CNBD1: variants seen among roughly 807,000 people sequenced by gnomAD.
CNBD1 encodes the protein cyclic nucleotide binding domain containing 1.
In CNBD1, 71 loss-of-function variants were observed where a neutral mutation model predicts 54.4. That is an observed-to-expected ratio of 1.30 (90% CI 1.08 to 1.59). The LOEUF (loss-of-function observed/expected upper bound fraction) is 1.59, where lower values mean the gene tolerates loss of function less well. CNBD1 is among the 40% of genes most tolerant of loss of function. The probability of loss-of-function intolerance (pLI) is 0.00; values close to 1 mark genes in which losing one functional copy is unlikely to be tolerated. For synonymous variants in CNBD1, 182 were observed against 170.7 expected (o/e 1.07, Z -0.51); for missense variants, 659 against 518.0 (o/e 1.27, Z -2.64).
chr8:87,329,715 A>C (rs532523990), intron 8 of CNBD1, among the ~76,000 whole-genome samples: 52 of 152,164 alleles, frequency 3.4e-4, no homozygotes, highest in African/African-American at 1.2e-3. Flanking sequence ...TTGCTAGTAT[A>C]TAGGGAAGAA....
chr8:86,927,259 C>T (rs1336040931), intron 3 of CNBD1, among the ~76,000 whole-genome samples: 1 of 152,020 alleles, frequency 6.6e-6, no homozygotes, highest in East Asian at 1.9e-4. Context: ...TTTGTATTTA[C>T]TAGGAACCAT....
chr8:87,229,694 A>G (rs1361711296), intron 5 of CNBD1, among the ~76,000 whole-genome samples: 1 of 152,058 alleles, frequency 6.6e-6, no homozygotes, highest in Non-Finnish European at 1.5e-5. Flanking sequence ...TTTTGTTTGA[A>G]TAAGGATCAT....
intron 8 of CNBD1, among the ~76,000 whole-genome samples, chr8:87,321,416 T>G (rs573387659): frequency 6.6e-6 from 1 of 152,310 alleles, no homozygotes; most frequent in Non-Finnish European, 1.5e-5. Context: ...TATCTCTTTG[T>G]GATTTTGATT....
intron 4 of CNBD1, among the ~76,000 whole-genome samples, chr8:87,030,281 G>A (rs1809752770): frequency 6.6e-6 from 1 of 152,128 alleles, no homozygotes; most frequent in African/African-American, 2.4e-5. Context: ...TTTGACAGCT[G>A]TAAGAATATT....
At chr8:87,122,210 T>C (rs1188507286) in intron 4 of CNBD1, among the ~76,000 whole-genome samples, 1 of 151,862 alleles carries the variant, frequency 6.6e-6, no homozygotes, top group Non-Finnish European at 1.5e-5. Flanking sequence ...CCCTTTTCTC[T>C]GTATTCTCAC....
At chr8:87,341,789 A>T (rs746188810) in intron 8 of CNBD1, among the ~76,000 whole-genome samples, 9 of 152,340 alleles carry the variant, frequency 5.9e-5, no homozygotes, top group Non-Finnish European at 1.3e-4. Flanking sequence ...CAGACACCAA[A>T]CTTTCTGGTG....
At chr8:87,186,902 T>A (rs1465651338) in intron 4 of CNBD1, among the ~76,000 whole-genome samples, 1 of 152,216 alleles carries the variant, frequency 6.6e-6, no homozygotes, top group Middle Eastern at 3.4e-3. Context: ...ACCTAGCTGA[T>A]CTGTCGTAGC....
At chr8:86,966,183 A>G (rs1808069710) in intron 4 of CNBD1, among the ~76,000 whole-genome samples, 1 of 152,144 alleles carries the variant, frequency 6.6e-6, no homozygotes, top group South Asian at 2.1e-4. Context: ...CTTGGCCTGA[A>G]GGTGGGGGTT....
At chr8:87,399,322 T>C (rs1243154273) in intron 2 of CNBD1, among the ~76,000 whole-genome samples, 2 of 152,046 alleles carry the variant, frequency 1.3e-5, no homozygotes, top group Admixed American at 1.3e-4. Context: ...ACACTGTGCA[T>C]GTGCACAATA....
chr8:86,978,419 C>T (rs1206839659), intron 4 of CNBD1, among the ~76,000 whole-genome samples: 5 of 151,212 alleles, frequency 3.3e-5, no homozygotes, highest in African/African-American at 4.9e-5. Context: ...AAATTTTTGT[C>T]TCTAATTTAA....
At chr8:87,368,329 T>C (rs1810686214) in intron 10 of CNBD1, among the ~76,000 whole-genome samples, 1 of 151,958 alleles carries the variant, frequency 6.6e-6, no homozygotes, top group Non-Finnish European at 1.5e-5. Context: ...AGAGTGAAGA[T>C]AAATATGTAA....
intron 4 of CNBD1, among the ~76,000 whole-genome samples, chr8:87,079,096 G>A (rs889564135): frequency 6.7e-6 from 1 of 150,272 alleles, no homozygotes; most frequent in Non-Finnish European, 1.5e-5. Flanking sequence ...AAGACATTCT[G>A]TATAAATTGA....
In CNBD1 at chr8:86,979,402, C is replaced by CAAA. The variant is rs776634552; in HGVS notation, c.431+39672_431+39674dup. Among the ~76,000 whole-genome samples the CAAA allele has an allele frequency of 3.7e-3, 38 of 10,388 alleles. 8 individuals carry two copies. Among genetic ancestry groups the CAAA allele is most frequent in the African/African-American group, 0.015 (34 of 2,340 alleles). The allele number at this position is 10,388 out of a possible 152,430, so 6.8% of individuals were successfully genotyped here. A position where few individuals can be genotyped will look rare whatever the true frequency, so the allele number is the denominator to read the frequency against. On this transcript the variant is annotated intron_variant, in intron 4 of 10. Coordinates refer to ENST00000518476, the MANE Select transcript of CNBD1 (RefSeq NM_173538.3). ...GCAACATGGAGAAAAATCATCTCTA[C>CAAA]AAAAAAAAAAAAAAAAAAAAAAAAA...
At chr8:87,197,617 A>AT (rs1813749296) in intron 4 of CNBD1, among the ~76,000 whole-genome samples, 1 of 152,198 alleles carries the variant, frequency 6.6e-6, no homozygotes, top group Middle Eastern at 3.2e-3. Context: ...TTGGATACTC[A>AT]TGTAGAAAGT....
intron 4 of CNBD1, among the ~76,000 whole-genome samples, chr8:87,088,081 C>T (rs540439812): frequency 6.6e-6 from 1 of 152,174 alleles, no homozygotes; most frequent in South Asian, 2.1e-4. Context: ...AAAGTTCCAT[C>T]CTCCTTTTCA....
chr8:87,313,168 G>T (rs1174532061), intron 8 of CNBD1, among the ~76,000 whole-genome samples: 1 of 152,000 alleles, frequency 6.6e-6, no homozygotes, highest in African/African-American at 2.4e-5. Context: ...TATTGAACTT[G>T]AAAAGGTTTG....
intron 8 of CNBD1, among the ~76,000 whole-genome samples, chr8:87,324,470 C>A (rs1303175553): frequency 2.6e-4 from 39 of 147,338 alleles, no homozygotes; most frequent in Middle Eastern, 3.5e-3. Flanking sequence ...GATTATTGCC[C>A]CAATTTCAGC....
At chr8:87,369,538 A>G (rs1490252610) in intron 10 of CNBD1, among the ~76,000 whole-genome samples, 2 of 151,864 alleles carry the variant, frequency 1.3e-5, no homozygotes, top group African/African-American at 4.8e-5. Flanking sequence ...AAATGTCTTT[A>G]TTTCTTTTTC....
At chr8:87,255,165 G>A (rs1426710757) in intron 6 of CNBD1, among the ~76,000 whole-genome samples, 1 of 152,002 alleles carries the variant, frequency 6.6e-6, no homozygotes, top group Admixed American at 6.6e-5. Flanking sequence ...GTTGGATTAT[G>A]TCATCTACCT....
Sources: allele counts gnomAD v4.1 joint callset (sites outside exome capture counted in the v4.1 genomes callset), GRCh38; gene constraint gnomAD v4.1.1; transcripts MANE v1.5; gene names NCBI Gene and HGNC (gene_info 2026-07-23, HGNC 2026-07-21).